The following SIPA1L1 variants were observed in gnomAD, a reference collection of about 807,000 sequenced individuals.
SIPA1L1 encodes signal induced proliferation associated 1 like 1, also known as signal-induced proliferation-associated 1-like protein 1.
In SIPA1L1, 26 loss-of-function variants were observed where a neutral mutation model predicts 162.7. The ratio of observed to expected loss-of-function variants is 0.16; its 90% CI spans 0.12 to 0.22. The LOEUF is 0.22. Ranked by LOEUF, SIPA1L1 falls within the 10% of genes least tolerant of loss-of-function variation. SIPA1L1 has a pLI of 1.00. For synonymous variants in SIPA1L1, 829 were observed against 837.4 expected (o/e 0.99, Z 0.17); for missense variants, 1,874 against 2,241.0 (o/e 0.84, Z 3.31).
chr14:71,364,357 T>C (rs2038085846), intron 2 of SIPA1L1, among the ~76,000 whole-genome samples: 1 of 152,148 alleles, frequency 6.6e-6, no homozygotes, highest in Non-Finnish European at 1.5e-5. Flanking sequence ...TCCCAAATGT[T>C]CCCCTCCCCA....
intron 10 of SIPA1L1, among the ~76,000 whole-genome samples, chr14:71,664,878 A>G (rs569717846): frequency 2.4e-4 from 36 of 152,236 alleles, no homozygotes; most frequent in Non-Finnish European, 3.8e-4. Flanking sequence ...AGAAGATGGG[A>G]TTTGATGTGT....
intron 2 of SIPA1L1, among the ~76,000 whole-genome samples, chr14:71,389,728 G>A (rs936314456): frequency 5.3e-5 from 8 of 152,186 alleles, no homozygotes; most frequent in Non-Finnish European, 1.0e-4. Flanking sequence ...ACTAAAGTGT[G>A]TAGTAATGTA....
In SIPA1L1 at chr14:71,724,681, G is replaced by A; in HGVS notation, c.4460G>A (p.Ser1487Asn). ...GFMDTRKRHQ[S>N]DGNEIAHTRL... ...CCTTTTTTGTCCAGGCGTCATCAGA[G>A]CGATGGCAATGAAATAGCCCACACC... Residue 1487 changes from serine to asparagine, a missense_variant, in exon 19 of 24, where the codon AGC becomes AAC. By Grantham distance (46) the Ser-to-Asn change is conservative. Transcript: ENST00000381232. 1 of 1,613,248 alleles carries A rather than the reference G, an allele frequency of 6.2e-7. No individual in the cohort carries two copies. The highest frequency in any genetic ancestry group is 8.5e-7 in the Non-Finnish European group (1 of 1,179,758).
In SIPA1L1 at chr14:71,399,734, A is replaced by AT. The variant is rs1205185929; in HGVS notation, c.-465+78562dup. Among the ~76,000 whole-genome samples the AT allele has an allele frequency of 1.0e-4, 15 of 147,164 alleles. 1 individual carries two copies. The highest frequency in any genetic ancestry group is 2.5e-4 in the African/African-American group (10 of 39,868). ...TTTTATTATTATTATTATTTATTTTATTTTTTTTTGAGATGCTTGCCCTGT... is the reference window on the plus strand; with the variant it reads ...TTTTATTATTATTATTATTTATTTTATTTTTTTTTTGAGATGCTTGCCCTGT... On this transcript the variant is annotated intron_variant, in intron 2 of 23. Coordinates refer to ENST00000381232, the MANE Select transcript of SIPA1L1 (RefSeq NM_001386936.1).
chr14:71,407,274 G>T (rs1595285642), intron 2 of SIPA1L1, among the ~76,000 whole-genome samples: 1 of 152,106 alleles, frequency 6.6e-6, no homozygotes, highest in East Asian at 1.9e-4. Flanking sequence ...ATTTATTTTT[G>T]ATTTTGCTTC....
At chr14:71,610,069 A>G (rs1334405141) in intron 5 of SIPA1L1, among the ~76,000 whole-genome samples, 1 of 152,202 alleles carries the variant, frequency 6.6e-6, no homozygotes, top group Non-Finnish European at 1.5e-5. Context: ...ATTTCAAAGT[A>G]GGGGTGAGTG....
chr14:71,471,816 G>A (rs113141340), intron 2 of SIPA1L1, among the ~76,000 whole-genome samples: 2,700 of 152,278 alleles, frequency 0.018, 32 homozygotes, highest in African/African-American at 0.026. Context: ...ACATTTCAAA[G>A]TCTTCAGTCT....
At chr14:71,705,158 A>T in intron 15 of SIPA1L1, 64 bp from the exon 16 acceptor site, 1 of 1,153,368 alleles carries the variant, frequency 8.7e-7, no homozygotes, top group Non-Finnish European at 1.3e-6. Flanking sequence ...AGCCATCTTC[A>T]TTTGTCACCA....
intron 13 of SIPA1L1, among the ~76,000 whole-genome samples, chr14:71,697,418 A>C (rs753584796): frequency 4.2e-4 from 64 of 152,206 alleles, no homozygotes; most frequent in Non-Finnish European, 3.1e-4. Context: ...TGGCTTCACC[A>C]TGTTTAGCTT....
intron 15 of SIPA1L1, among the ~76,000 whole-genome samples, chr14:71,703,064 A>G (rs929744552): frequency 1.3e-5 from 2 of 152,206 alleles, no homozygotes; most frequent in African/African-American, 2.4e-5. Context: ...CCGGATTTCT[A>G]CTGCATAGCC....
chr14:71,421,430 C>G (rs1211130476), intron 2 of SIPA1L1, among the ~76,000 whole-genome samples: 4 of 151,350 alleles, frequency 2.6e-5, no homozygotes. Context: ...CCCATCTCTA[C>G]AAAAACGAGA....
At chr14:71,570,264 T>C (rs1235466141) in intron 4 of SIPA1L1, among the ~76,000 whole-genome samples, 1 of 151,032 alleles carries the variant, frequency 6.6e-6, no homozygotes, top group Non-Finnish European at 1.5e-5. Context: ...CATTTATCTT[T>C]ATTTATTTAT....
chr14:71,436,877 G>A (rs1436876055), intron 2 of SIPA1L1, among the ~76,000 whole-genome samples: 1 of 149,168 alleles, frequency 6.7e-6, no homozygotes, highest in Non-Finnish European at 1.5e-5. Context: ...TGATTCTCCT[G>A]CCTCAGTCTC....
At chr14:71,415,325 T>C (rs184374323) in intron 2 of SIPA1L1, among the ~76,000 whole-genome samples, 18 of 152,358 alleles carry the variant, frequency 1.2e-4, no homozygotes, top group Admixed American at 1.1e-3. Flanking sequence ...TTACATTTAT[T>C]TGACCGTTCC....
At chr14:71,455,232 T>C (rs1358895363) in intron 2 of SIPA1L1, among the ~76,000 whole-genome samples, 9 of 152,250 alleles carry the variant, frequency 5.9e-5, no homozygotes, top group African/African-American at 2.2e-4. Flanking sequence ...GTAACTTTAC[T>C]TGCAAATTGT....
intron 2 of SIPA1L1, among the ~76,000 whole-genome samples, chr14:71,374,174 T>C (rs2039157922): frequency 6.6e-6 from 1 of 152,212 alleles, no homozygotes; most frequent in Non-Finnish European, 1.5e-5. Flanking sequence ...TCAGTATTTT[T>C]GACAAAATTT....
At chr14:71,440,023 C>T (rs1315060434) in intron 2 of SIPA1L1, among the ~76,000 whole-genome samples, 2 of 152,144 alleles carry the variant, frequency 1.3e-5, no homozygotes, top group Non-Finnish European at 2.9e-5. Context: ...CCTAAAGCTT[C>T]TGAACTTATT....
Position 71,459,702 on chromosome 14 carries a change from G to A in SIPA1L1, c.-464-53041G>A, listed in dbSNP as rs75701854. 6.1e-3 allele frequency among the ~76,000 whole-genome samples: 927 copies of A among 152,230 alleles called. 13 individuals are homozygous for A. Among genetic ancestry groups the A allele is most frequent in the African/African-American group, 0.022 (896 of 41,548 alleles). ...TGCCTGCTTATATTCACTGACAGCC[G>A]ATTAGATTGTGCCCACCAGATTAAG... On this transcript the variant is annotated intron_variant, in intron 2 of 23. Coordinates refer to ENST00000381232, the MANE Select transcript of SIPA1L1 (RefSeq NM_001386936.1).
intron 2 of SIPA1L1, among the ~76,000 whole-genome samples, chr14:71,438,892 T>C (rs1215881005): frequency 6.6e-6 from 1 of 152,212 alleles, no homozygotes; most frequent in Non-Finnish European, 1.5e-5. Flanking sequence ...GGCTGGTTAC[T>C]ATGGGAATTG....
Sources: allele counts gnomAD v4.1 joint callset (sites outside exome capture counted in the v4.1 genomes callset), GRCh38; gene constraint gnomAD v4.1.1; transcripts MANE v1.5; gene names NCBI Gene and HGNC (gene_info 2026-07-23, HGNC 2026-07-21).